The following GEMIN5 variants were observed in gnomAD, a reference collection of about 807,000 sequenced individuals.
GEMIN5 encodes gem nuclear organelle associated protein 5.
In GEMIN5, 124 loss-of-function variants were observed where a neutral mutation model predicts 176.9. That is an observed-to-expected ratio of 0.70 (90% CI 0.61 to 0.81). GEMIN5 has a LOEUF of 0.81. Ranked by LOEUF, GEMIN5 falls within the 40% of genes least tolerant of loss-of-function variation. GEMIN5 has a pLI of 0.00. For synonymous variants in GEMIN5, 673 were observed against 665.2 expected (o/e 1.01, Z -0.18); for missense variants, 1,843 against 1,814.6 (o/e 1.02, Z -0.28).
At chr5:154,921,198 C>T (rs1391350238) in intron 10 of GEMIN5, 145 bp downstream of exon 10, 1 of 579,584 alleles carries the variant, frequency 1.7e-6, no homozygotes, top group Non-Finnish European at 3.0e-6. Flanking sequence ...CCACTACTGT[C>T]TTCATGAACC....
chr5:154,921,300 A>C, intron 10 of GEMIN5, 43 bp downstream of exon 10: 1 of 872,600 alleles, frequency 1.1e-6, no homozygotes, highest in Non-Finnish European at 2.0e-6. Flanking sequence ...AAACTGAAGG[A>C]AGAATACTCT....
At chr5:154,928,484 AAAAC>A in intron 6 of GEMIN5, 39 bp downstream of exon 6, 1 of 1,604,198 alleles carries the variant, frequency 6.2e-7, no homozygotes, top group Non-Finnish European at 8.5e-7. Flanking sequence ...GCCAAATAGA[AAAAC>A]AAAATATATC....
intron 14 of GEMIN5, among the ~76,000 whole-genome samples, chr5:154,912,456 C>T (rs1264357505): frequency 2.0e-5 from 3 of 152,204 alleles, no homozygotes; most frequent in Non-Finnish European, 4.4e-5. Context: ...TTCTGATATC[C>T]ACAAGTCCTC....
At chr5:154,888,582 C>A (rs774680440) in intron 27 of GEMIN5, among the ~76,000 whole-genome samples, 2 of 152,148 alleles carry the variant, frequency 1.3e-5, no homozygotes, top group African/African-American at 4.8e-5. Flanking sequence ...ATGGCTACTG[C>A]GATGTCCTTC....
At position 154,889,418 on chromosome 5, in the gene GEMIN5, C is replaced by T. The variant is rs1313544071; in HGVS notation, c.4263-1G>A. 3.2e-6 allele frequency: 5 copies of T among 1,575,848 alleles called. No individual in the cohort carries two copies. Among genetic ancestry groups the T allele is most frequent in the Non-Finnish European group, 4.4e-6 (5 of 1,146,538 alleles). On this transcript the variant is annotated splice_acceptor_variant, in intron 26 of 27. Transcript: ENST00000285873. LOFTEE classifies it high-confidence loss of function. ...AAGTGGCTCATTTTTTTCTTCTTTA[C>T]TAGTGAAAAAAATAAAAGGTGTAAA...
chr5:154,897,190 T>C (rs1480925755), intron 23 of GEMIN5, among the ~76,000 whole-genome samples: 1 of 152,222 alleles, frequency 6.6e-6, no homozygotes, highest in Non-Finnish European at 1.5e-5. Flanking sequence ...TCCATTTTTA[T>C]TCTGCTGTTC....
chr5:154,912,457 A>G (rs1763721235), intron 14 of GEMIN5, among the ~76,000 whole-genome samples: 1 of 152,218 alleles, frequency 6.6e-6, no homozygotes, highest in Non-Finnish European at 1.5e-5. Flanking sequence ...TCTGATATCC[A>G]CAAGTCCTCC....
At chr5:154,905,847 T>C (rs556267415) in intron 16 of GEMIN5, among the ~76,000 whole-genome samples, 20 of 152,262 alleles carry the variant, frequency 1.3e-4, no homozygotes, top group South Asian at 6.2e-4. Context: ...CAAGCCACCA[T>C]GCCTGGCTAA....
chr5:154,930,179 A>G (rs546746713), intron 5 of GEMIN5, among the ~76,000 whole-genome samples: 15 of 152,088 alleles, frequency 9.9e-5, no homozygotes, highest in African/African-American at 3.6e-4. Flanking sequence ...CCATCAAACC[A>G]CTTACCCCGG....
Position 154,902,659 on chromosome 5 carries a change from T to C in GEMIN5, c.2746A>G (p.Asn916Asp). 1 of 1,614,094 alleles carries C rather than the reference T, an allele frequency of 6.2e-7. No homozygotes were observed. The highest frequency in any genetic ancestry group is 8.5e-7 in the Non-Finnish European group (1 of 1,179,940). ...IDIEGKGHLENGHPELFHQLM... is the reference protein window; with the variant it reads ...IDIEGKGHLEDGHPELFHQLM... ...TGGTGAAATAACTCAGGGTGGCCATTTTCTAAGTGACCTTTTCCTGTTTGA... is the reference window on the plus strand; with the variant it reads ...TGGTGAAATAACTCAGGGTGGCCATCTTCTAAGTGACCTTTTCCTGTTTGA... The change falls in exon 20 of 28, where the codon AAT (asparagine) becomes GAT (aspartate). Residue 916 changes from asparagine to aspartate, a missense_variant. Physicochemically the swap from Asn to Asp is conservative, Grantham distance 23. Coordinates refer to ENST00000285873, the MANE Select transcript of GEMIN5 (RefSeq NM_015465.5).
intron 5 of GEMIN5, among the ~76,000 whole-genome samples, chr5:154,929,959 T>A (rs1297492724): frequency 6.6e-6 from 1 of 152,204 alleles, no homozygotes; most frequent in Non-Finnish European, 1.5e-5. Context: ...CATCAGTGTG[T>A]GAGATATGAG....
At chr5:154,922,118 A>G (rs1173052130) in intron 9 of GEMIN5, among the ~76,000 whole-genome samples, 2 of 152,264 alleles carry the variant, frequency 1.3e-5, no homozygotes, top group Non-Finnish European at 1.5e-5. Flanking sequence ...AATTTCTAAA[A>G]GAAATTTATA....
At chr5:154,888,511 G>C (rs745739774) in intron 27 of GEMIN5, 134 bp from the exon 28 acceptor site, 5 of 658,226 alleles carry the variant, frequency 7.6e-6, no homozygotes, top group Non-Finnish European at 1.3e-5. Context: ...TGTCTCCTAA[G>C]GCAATGTCCT....
At chr5:154,927,615 A>G (rs912463350) in intron 6 of GEMIN5, 65 bp from the exon 7 acceptor site, 2 of 1,267,358 alleles carry the variant, frequency 1.6e-6, no homozygotes, top group African/African-American at 2.9e-5. Flanking sequence ...GACTGTTGAG[A>G]CAGAGTCTGG....
chr5:154,931,802 G>A (rs778181673), intron 4 of GEMIN5: 1 of 500,914 alleles, frequency 2.0e-6, no homozygotes, highest in South Asian at 2.6e-5. Context: ...ATCACCTGAG[G>A]TCGGGAGTTC....
chr5:154,917,693 G>T (rs1696227106), intron 12 of GEMIN5, among the ~76,000 whole-genome samples: 1 of 152,174 alleles, frequency 6.6e-6, no homozygotes, highest in Admixed American at 6.5e-5. Flanking sequence ...TTTTGTGAGG[G>T]ACAAGACAGC....
rs1763137654 is a variant in GEMIN5 at position 154,887,642 on chromosome 5, A to G, written c.*568T>C. The G allele has an allele frequency of 6.6e-6, 1 of 152,264 alleles. No individual in the cohort carries two copies. Among genetic ancestry groups the G allele is most frequent in the South Asian group, 2.1e-4 (1 of 4,832 alleles). 9.4% of individuals were successfully genotyped at this position (152,264 alleles called of 1,614,324 possible). On this transcript the variant is annotated 3_prime_UTR_variant, in exon 28 of 28. Transcript: ENST00000285873. ...CATGAAAGAATAAAACCAAATTTCC[A>G]ACCTAAAATTCTGACAGGAGAGTCA...
chr5:154,899,160 T>C (rs1436428254), intron 22 of GEMIN5, 31 bp downstream of exon 22: 2 of 1,587,182 alleles, frequency 1.3e-6, no homozygotes, highest in South Asian at 1.2e-5. Flanking sequence ...CTCTCCTATG[T>C]TGGAAGCATC....
At chr5:154,918,478 T>C (rs993947789) in intron 11 of GEMIN5, among the ~76,000 whole-genome samples, 1 of 152,174 alleles carries the variant, frequency 6.6e-6, no homozygotes, top group African/African-American at 2.4e-5. Flanking sequence ...ACCTCATACA[T>C]GTCCACAGCT....
Sources: allele counts gnomAD v4.1 joint callset (sites outside exome capture counted in the v4.1 genomes callset), GRCh38; gene constraint gnomAD v4.1.1; transcripts MANE v1.5; gene names NCBI Gene and HGNC (gene_info 2026-07-23, HGNC 2026-07-21).